PARP4: variants seen among roughly 807,000 people sequenced by gnomAD.
PARP4 encodes protein mono-ADP-ribosyltransferase PARP4.
A neutral mutation model predicts 187.7 loss-of-function variants in PARP4; 120 were observed. That is an observed-to-expected ratio of 0.64 (90% confidence interval 0.55 to 0.74). The LOEUF is 0.74. Among genes scored for constraint, PARP4 ranks in the 30% least tolerant of loss-of-function variants. The pLI is 0.00. For synonymous variants in PARP4, 654 were observed against 740.9 expected, an observed-to-expected ratio of 0.88 and a Z score of 1.90; for missense variants, 1,836 against 2,070.5, an observed-to-expected ratio of 0.89 and a Z score of 2.20.
chr13:24,424,656 T>G (rs1381172729), intron 33 of PARP4, among the ~76,000 whole-genome samples: 1 of 151,130 alleles, frequency 6.6e-6, no homozygotes, highest in Non-Finnish European at 1.5e-5. Context: ...ACTAGAGAGA[T>G]ATAGTCAAAT....
At chr13:24,498,682 C>A (rs1425670129) in intron 5 of PARP4, among the ~76,000 whole-genome samples, 1 of 152,056 alleles carries the variant, frequency 6.6e-6, no homozygotes, top group Admixed American at 6.6e-5. Context: ...CTGCCTTAGC[C>A]CCCTAAGTAG....
chr13:24,420,978 T>C lies in PARP4; in HGVS notation c.*141A>G. On this transcript the variant is annotated 3_prime_UTR_variant, in exon 34 of 34. Coordinates refer to ENST00000381989, the MANE Select transcript of PARP4 (RefSeq NM_006437.4). ...TTGCTTGTTAGTTGATTAAAGTAAT[T>C]CTTCTTCCACTTAATTTTTAAAGAC... The C allele has an allele frequency of 9.1e-7, 1 of 1,101,830 alleles. No individual in the cohort carries two copies. The highest frequency in any genetic ancestry group is 1.2e-6 in the Non-Finnish European group (1 of 829,776). 68.3% of individuals were successfully genotyped at this position (1,101,830 alleles called of 1,614,324 possible).
At chr13:24,469,286 C>T (rs551653891) in intron 16 of PARP4, among the ~76,000 whole-genome samples, 176 bp from the exon 17 acceptor site, 2 of 152,098 alleles carry the variant, frequency 1.3e-5, no homozygotes, top group Admixed American at 6.5e-5. Context: ...AGAACTTGAA[C>T]CAGAAAAGGC....
intron 15 of PARP4, among the ~76,000 whole-genome samples, chr13:24,473,193 T>C (rs2137504293): frequency 6.6e-6 from 1 of 152,266 alleles, no homozygotes; most frequent in Admixed American, 6.5e-5. Context: ...CCCAACGTCC[T>C]GGGATTACAG....
chr13:24,494,647 T>A lies in PARP4; in HGVS notation c.667A>T (p.Lys223Ter). 1 of 1,609,528 alleles carries A rather than the reference T, an allele frequency of 6.2e-7. No individual in the cohort carries two copies. The highest frequency in any genetic ancestry group is 8.5e-7 in the Non-Finnish European group (1 of 1,176,242). ...TCTCTTAGTAGAAATCCTTGTTTCT[T>A]CAGTTCTTCAATGTAATTTTCAAAG... ...EYFENYIEEL[K>*]KQGFLLREHF... Residue 223 changes from lysine to a stop codon, truncating the protein, a stop_gained, in exon 7 of 34, where the codon AAG becomes TAG. Transcript: ENST00000381989. LOFTEE classifies it high-confidence loss of function.
rs575007199 is a variant in PARP4 at position 24,423,439 on chromosome 13, G to A, written c.4980-2125C>T. 1.2e-3 allele frequency among the ~76,000 whole-genome samples: 176 copies of A among 152,028 alleles called. 3 individuals carry two copies. In the East Asian group the frequency reaches 0.018, roughly 16 times the overall value. ...CCAGCTACTCAGGAGGCTGAGGCACGAGAATTGCTTGAAACTGGGAGGTGG... is the reference window on the plus strand; with the variant it reads ...CCAGCTACTCAGGAGGCTGAGGCACAAGAATTGCTTGAAACTGGGAGGTGG... On this transcript the variant is annotated intron_variant, in intron 33 of 33. Coordinates refer to ENST00000381989, the MANE Select transcript of PARP4 (RefSeq NM_006437.4).
chr13:24,501,499 T>C, intron 3 of PARP4, 134 bp downstream of exon 3: 1 of 640,452 alleles, frequency 1.6e-6, no homozygotes, highest in Non-Finnish European at 2.8e-6. Context: ...TATTTTTCTG[T>C]CCATTTTCTG....
At position 24,486,701 on chromosome 13, in the gene PARP4, C is replaced by A. The variant is rs565207636; in HGVS notation, c.1215-396G>T. ...GCGCAATGGCTCAGGCCTGTAATCC[C>A]AGCACTCTGGGAGGCCAAGGCAGTT... On this transcript the variant is annotated intron_variant, in intron 10 of 33. Transcript: ENST00000381989. Among the ~76,000 whole-genome samples, 4 of 152,314 alleles carry A rather than the reference C, an allele frequency of 2.6e-5. No homozygotes were observed. In the East Asian group the frequency reaches 7.7e-4, roughly 29 times the overall value.
chr13:24,484,146 T>C (rs954448977), intron 12 of PARP4, among the ~76,000 whole-genome samples: 1 of 152,132 alleles, frequency 6.6e-6, no homozygotes, highest in African/African-American at 2.4e-5. Context: ...CATTAAATGA[T>C]GTCACAATAC....
At chr13:24,432,464 A>G (rs1870391224) in intron 31 of PARP4, among the ~76,000 whole-genome samples, 2 of 152,214 alleles carry the variant, frequency 1.3e-5, no homozygotes, top group Admixed American at 6.5e-5. Context: ...CTGTGAAACC[A>G]TCAAACCATC....
At position 24,445,649 on chromosome 13, in the gene PARP4, G is replaced by A. The variant is rs184958576; in HGVS notation, c.3366+1032C>T. Among the ~76,000 whole-genome samples the A allele has an allele frequency of 1.6e-3, 239 of 152,262 alleles. 3 individuals carry two copies. In the East Asian group the frequency reaches 0.018, roughly 12 times the overall value. On this transcript the variant is annotated intron_variant, in intron 27 of 33. Coordinates refer to ENST00000381989, the MANE Select transcript of PARP4 (RefSeq NM_006437.4). ...TACCTCTTCATCTGGCTGTTCATTC[G>A]TATCCTTTATAATATTCTTTACAAT...
At position 24,494,707 on chromosome 13, in the gene PARP4, C is replaced by T; in HGVS notation, c.607G>A (p.Ala203Thr). 1 of 1,604,784 alleles carries T rather than the reference C, an allele frequency of 6.2e-7. No homozygotes were observed. The highest frequency in any genetic ancestry group is 8.5e-7 in the Non-Finnish European group (1 of 1,173,506). Residue 203 changes from alanine to threonine, a missense_variant, in exon 7 of 34, where the codon GCT becomes ACT. Transcript: ENST00000381989. ...DDGMETRRQF[A>T]IKKTSEDASE... ...GCATCTTCAGAGGTTTTCTTTATAGCAAACTGTCTTCTAGTCTGTGAATTA... is the reference window on the plus strand; with the variant it reads ...GCATCTTCAGAGGTTTTCTTTATAGTAAACTGTCTTCTAGTCTGTGAATTA...
chr13:24,422,686 G>GC, intron 33 of PARP4, among the ~76,000 whole-genome samples: 1 of 152,128 alleles, frequency 6.6e-6, no homozygotes, highest in East Asian at 1.9e-4. Context: ...TCGGTTCACT[G>GC]CAACCTCTGA....
chr13:24,510,553 C>CAAAAAAAAAAAAAAAAAAAA (rs61708412), intron 1 of PARP4, among the ~76,000 whole-genome samples: 1 of 89,256 alleles, frequency 1.1e-5, no homozygotes, highest in African/African-American at 4.8e-5. Flanking sequence ...GACTCCGTCT[C>CAAAAAAAAAAAAAAAAAAAA]AAAAAAAAAA....
In PARP4 at chr13:24,494,630, T is replaced by TA. The variant is rs781603430; in HGVS notation, c.683dup (p.Leu229ThrfsTer8). 6.2e-7 allele frequency: 1 copy of TA among 1,611,454 alleles called. No homozygotes were observed. Among genetic ancestry groups the TA allele is most frequent in the Admixed American group, 1.7e-5 (1 of 59,934 alleles). On this transcript the variant is annotated frameshift_variant, in exon 7 of 34. Transcript: ENST00000381989. LOFTEE classifies it high-confidence loss of function. Reference sequence around the variant, plus strand: ...CTTCAGGTGTGAAATGTTCTCTTAGTAGAAATCCTTGTTTCTTCAGTTCTT... The same window carrying TA: ...CTTCAGGTGTGAAATGTTCTCTTAGTAAGAAATCCTTGTTTCTTCAGTTCTT...
chr13:24,474,090 G>A (rs528892588), intron 15 of PARP4, among the ~76,000 whole-genome samples: 2 of 152,212 alleles, frequency 1.3e-5, no homozygotes, highest in East Asian at 3.9e-4. Context: ...CCCCCAACCT[G>A]CCCTCCTGTG....
intron 25 of PARP4, among the ~76,000 whole-genome samples, chr13:24,448,200 ACT>A (rs756984190): frequency 1.3e-5 from 2 of 152,014 alleles, no homozygotes; most frequent in Non-Finnish European, 2.9e-5. Flanking sequence ...AAAAAGTGAT[ACT>A]CTGTCTCAAA....
At position 24,460,130 on chromosome 13, in the gene PARP4, A is replaced by C; in HGVS notation, c.2140T>G (p.Phe714Val). 6.2e-7 allele frequency: 1 copy of C among 1,611,622 alleles called. No individual in the cohort carries two copies. The highest frequency in any genetic ancestry group is 8.5e-7 in the Non-Finnish European group (1 of 1,179,056). Residue 714 changes from phenylalanine (F) to valine (V), a missense_variant, in exon 18 of 34, where the codon TTT (phenylalanine) becomes GTT (valine). This residue lies in a region of PARP4 where 1,147 missense variants were observed against 1,214.2 expected (regional missense o/e 0.94). Transcript: ENST00000381989. ...GGTAAGTTTCCAACACTTACAGTAA[A>C]AACGTCCTGAAACAGAAACATATGA... ...YLMSQDAPDV[F>V]TVSVGNLPPK...
intron 14 of PARP4, among the ~76,000 whole-genome samples, 164 bp downstream of exon 14, chr13:24,477,537 C>G (rs2137510708): frequency 6.6e-6 from 1 of 152,100 alleles, no homozygotes; most frequent in East Asian, 1.9e-4. Flanking sequence ...GATGTTAACA[C>G]TGAGAGAAAT....
Sources: allele counts gnomAD v4.1 joint callset (sites outside exome capture counted in the v4.1 genomes callset), GRCh38; gene constraint gnomAD v4.1.1; regional missense constraint gnomAD v4.1.1; transcripts MANE v1.5; gene names NCBI Gene and HGNC (gene_info 2026-07-23, HGNC 2026-07-21).